ABCC6: variants seen among roughly 807,000 people sequenced by gnomAD.
ABCC6 encodes the protein ATP binding cassette subfamily C member 6.
In ABCC6, 126 loss-of-function variants were observed where a neutral mutation model predicts 169.5. That is an observed-to-expected ratio of 0.74 (90% confidence interval 0.64 to 0.86). ABCC6 has a LOEUF of 0.86. Ranked by LOEUF, ABCC6 falls within the 40% of genes least tolerant of loss-of-function variation. ABCC6 has a pLI of 0.00. For missense variants in ABCC6, 1,733 were observed against 1,927.2 expected (o/e 0.90, Z 1.89); for synonymous variants, 752 against 814.7 (o/e 0.92, Z 1.31).
chr16:16,182,615 G>A (rs2047514742), intron 16 of ABCC6, 27 bp from the exon 17 acceptor site: 1 of 1,609,172 alleles, frequency 6.2e-7, no homozygotes, highest in African/African-American at 1.3e-5. Flanking sequence ...TTTGGTCACA[G>A]GAGGATGATG....
At chr16:16,174,759 A>ACCCCCGCCCC (rs200038324) in intron 20 of ABCC6, among the ~76,000 whole-genome samples, 5 of 84,476 alleles carry the variant, frequency 5.9e-5, no homozygotes, top group African/African-American at 1.4e-4. Context: ...TCTGTCTCAA[A>ACCCCCGCCCC]ACCCCCCCCC....
chr16:16,204,243 A>G (rs1185589229), intron 7 of ABCC6, among the ~76,000 whole-genome samples: 1 of 151,992 alleles, frequency 6.6e-6, no homozygotes, highest in Admixed American at 6.6e-5. Flanking sequence ...TTCAGTAGAG[A>G]AGGGGTTATG....
chr16:16,189,487 G>A (rs1013705588), intron 12 of ABCC6, among the ~76,000 whole-genome samples: 3 of 150,724 alleles, frequency 2.0e-5, no homozygotes, highest in Non-Finnish European at 2.9e-5. Flanking sequence ...GCATGATCTC[G>A]GCTCACTGCA....
chr16:16,152,192 CAAAAAAAA>C (rs61339757), intron 29 of ABCC6, among the ~76,000 whole-genome samples: 3 of 40,318 alleles, frequency 7.4e-5, no homozygotes, highest in African/African-American at 1.2e-4. Flanking sequence ...GACTCTGTCT[CAAAAAAAA>C]AAAAAAAAAA....
chr16:16,170,134 C>T (rs2047014726), intron 21 of ABCC6, among the ~76,000 whole-genome samples: 1 of 151,110 alleles, frequency 6.6e-6, no homozygotes, highest in South Asian at 2.1e-4. Context: ...CTTTGTCGCC[C>T]ATGTCACCCA....
intron 24 of ABCC6, among the ~76,000 whole-genome samples, chr16:16,162,147 T>C (rs1056875709): frequency 6.6e-6 from 1 of 152,216 alleles, no homozygotes; most frequent in Non-Finnish European, 1.5e-5. Flanking sequence ...ACTGAGTCAA[T>C]TAAACCTTCC....
At chr16:16,214,672 T>C (rs2152295955) in intron 4 of ABCC6, among the ~76,000 whole-genome samples, 1 of 152,244 alleles carries the variant, frequency 6.6e-6, no homozygotes, top group South Asian at 2.1e-4. Context: ...TGGCATGATC[T>C]CGGCTCCCTG....
At chr16:16,196,355 C>T (rs1490670882) in intron 10 of ABCC6, among the ~76,000 whole-genome samples, 1 of 152,180 alleles carries the variant, frequency 6.6e-6, no homozygotes, top group Non-Finnish European at 1.5e-5. Context: ...TTCTGCACTC[C>T]AAGGGCAGAG....
At chr16:16,213,097 T>TTC (rs1354117745) in intron 5 of ABCC6, among the ~76,000 whole-genome samples, 1 of 151,620 alleles carries the variant, frequency 6.6e-6, no homozygotes, top group Non-Finnish European at 1.5e-5. Context: ...TTTTTTTTTT[T>TTC]TTTTGAATAC....
intron 7 of ABCC6, among the ~76,000 whole-genome samples, chr16:16,204,775 T>C (rs997657204): frequency 6.6e-6 from 1 of 152,082 alleles, no homozygotes; most frequent in African/African-American, 2.4e-5. Context: ...GGTCCCCTGC[T>C]GAGTCCCCTG....
chr16:16,182,999 C>T (rs2047531172), intron 15 of ABCC6, 69 bp from the exon 16 acceptor site: 1 of 1,612,738 alleles, frequency 6.2e-7, no homozygotes, highest in Admixed American at 1.7e-5. Flanking sequence ...AAGGATGAGC[C>T]CCAGACGGAG....
At chr16:16,150,457 T>C in intron 30 of ABCC6, 121 bp downstream of exon 30, 1 of 1,502,536 alleles carries the variant, frequency 6.7e-7, no homozygotes, top group Non-Finnish European at 8.9e-7. Flanking sequence ...TTCCTCCCGC[T>C]CTGGCCCCAT....
chr16:16,198,663 A>C (rs190989407), intron 9 of ABCC6, among the ~76,000 whole-genome samples: 2 of 151,378 alleles, frequency 1.3e-5, no homozygotes, highest in Admixed American at 1.3e-4. Flanking sequence ...AGCCCGCGCG[A>C]CATAGTAAGA....
chr16:16,172,528 A>C (rs1596633596), intron 21 of ABCC6, among the ~76,000 whole-genome samples: 1 of 88,764 alleles, frequency 1.1e-5, no homozygotes, highest in Admixed American at 1.1e-4. Flanking sequence ...GGGTAGGTGA[A>C]TGGATGGGAT....
At chr16:16,180,079 C>A (rs2047419129) in intron 17 of ABCC6, among the ~76,000 whole-genome samples, 1 of 152,130 alleles carries the variant, frequency 6.6e-6, no homozygotes, top group Admixed American at 6.6e-5. Flanking sequence ...GTTTGTGCTC[C>A]TATGAGAATC....
rs751120477 is a variant in ABCC6, at chr16:16,169,757, A to G, written c.2884T>C (p.Phe962Leu). The G allele has an allele frequency of 1.9e-6, 3 of 1,603,382 alleles. No individual in the cohort carries two copies. Among genetic ancestry groups the G allele is most frequent in the Admixed American group, 1.7e-5 (1 of 58,312 alleles). The change falls in exon 22 of 31, where the codon TTC becomes CTC. Residue 962 changes from phenylalanine (F) to leucine (L), a missense_variant. By Grantham distance (22) the Phe-to-Leu change is conservative. Around this residue, in one of 5 missense-constraint regions of ABCC6, gnomAD observed 1,601 missense variants for 1,635.5 expected, o/e 0.98. Coordinates refer to ENST00000205557, the MANE Select transcript of ABCC6 (RefSeq NM_001171.6). ...AGGCTCAGCCAGTAGCCCCGGCAGA[A>G]GGAGGCCACTTGCTGGCAGAGGAAG... ...FLFLCQQVAS[F>L]CRGYWLSLWA...
Position 16,150,036 on chromosome 16 carries a change from T to C in ABCC6, c.*97A>G, listed in dbSNP as rs2152206527. ...AGAGCAAACACAGGTCTAGACTCAA[T>C]ATCGTGTGGAGCTATCGATGACCAC... On this transcript the variant is annotated 3_prime_UTR_variant, in exon 31 of 31. Coordinates refer to ENST00000205557, the MANE Select transcript of ABCC6 (RefSeq NM_001171.6). 6.5e-7 allele frequency: 1 copy of C among 1,534,608 alleles called. No homozygotes were observed. The highest frequency in any genetic ancestry group is 8.9e-7 in the Non-Finnish European group (1 of 1,127,976).
chr16:16,179,134 C>G (rs2047389612), intron 17 of ABCC6, among the ~76,000 whole-genome samples, 169 bp from the exon 18 acceptor site: 1 of 152,212 alleles, frequency 6.6e-6, no homozygotes, highest in South Asian at 2.1e-4. Context: ...CTCAAGCCAA[C>G]AATGCCTCCA....
At chr16:16,186,877 T>A (rs1440404629) in intron 14 of ABCC6, among the ~76,000 whole-genome samples, 1 of 152,080 alleles carries the variant, frequency 6.6e-6, no homozygotes, top group African/African-American at 2.4e-5. Flanking sequence ...GTTAGAGTGT[T>A]CCCTGTTGTA....
Sources: gnomAD v4.1 joint callset for allele counts (sites outside exome capture counted in the v4.1 genomes callset) on GRCh38, gnomAD v4.1.1 for gene constraint, gnomAD v4.1.1 regional missense constraint, MANE v1.5 for transcripts, NCBI Gene and HGNC (gene_info 2026-07-23, HGNC 2026-07-21) for gene names.